The following DAB1 variants were observed in gnomAD, a reference collection of about 807,000 sequenced individuals.
The protein encoded by DAB1 is disabled homolog 1.
Under a neutral mutation model 64.6 loss-of-function variants are expected in DAB1, and 15 were observed. The ratio of observed to expected loss-of-function variants is 0.23; its 90% CI spans 0.16 to 0.36. The LOEUF (loss-of-function observed/expected upper bound fraction) is 0.36. Among genes scored for constraint, DAB1 ranks in the 10% least tolerant of loss-of-function variants. The pLI is 1.00. For synonymous variants in DAB1, 235 were observed against 251.9 expected (o/e 0.93, Z 0.64); for missense variants, 596 against 706.7 (o/e 0.84, Z 1.78).
intron 2 of DAB1, among the ~76,000 whole-genome samples, chr1:57,226,973 T>C (rs990685671): frequency 6.7e-6 from 1 of 148,890 alleles, no homozygotes; most frequent in African/African-American, 2.5e-5. Flanking sequence ...AGCCCAGGAG[T>C]TCAAGACTAG....
At chr1:57,406,377 C>T (rs545632538) in intron 1 of DAB1, among the ~76,000 whole-genome samples, 3 of 152,322 alleles carry the variant, frequency 2.0e-5, no homozygotes, top group South Asian at 2.1e-4. Flanking sequence ...TACTTAGCCA[C>T]CACATTATTA....
chr1:57,485,469 G>C (rs1036803618), intron 7 of DAB1, among the ~76,000 whole-genome samples: 8 of 152,134 alleles, frequency 5.3e-5, no homozygotes, highest in African/African-American at 1.9e-4. Context: ...ATAGTGCTTG[G>C]CATCAGGGAA....
intron 5 of DAB1, among the ~76,000 whole-genome samples, chr1:57,973,305 G>C (rs2764692): frequency 0.87 from 132,434 of 152,122 alleles, 58,055 homozygotes; most frequent in South Asian, 0.94. Context: ...CCCCTAGAGC[G>C]TTCAGAGGCA....
chr1:58,021,422 T>C (rs770889806), intron 5 of DAB1, among the ~76,000 whole-genome samples: 1 of 152,222 alleles, frequency 6.6e-6, no homozygotes, highest in Non-Finnish European at 1.5e-5. Context: ...GATTAAAGAT[T>C]AAATAATTTG....
At chr1:57,157,720 T>C (rs547559943) in intron 2 of DAB1, among the ~76,000 whole-genome samples, 4 of 152,292 alleles carry the variant, frequency 2.6e-5, no homozygotes, top group Admixed American at 2.0e-4. Flanking sequence ...TATTATTACA[T>C]TGGGAGTTAG....
chr1:58,277,902 T>C (rs1661489041), intron 4 of DAB1, among the ~76,000 whole-genome samples: 1 of 152,202 alleles, frequency 6.6e-6, no homozygotes, highest in South Asian at 2.1e-4. Flanking sequence ...TGCTGGAGAA[T>C]ATTCTTCCAT....
intron 2 of DAB1, among the ~76,000 whole-genome samples, chr1:57,228,845 G>A (rs1436627766): frequency 6.6e-6 from 1 of 152,022 alleles, no homozygotes; most frequent in Non-Finnish European, 1.5e-5. Flanking sequence ...AGAAGACTCG[G>A]TAGATAAAAT....
chr1:58,241,621 T>C (rs112925651), intron 4 of DAB1, among the ~76,000 whole-genome samples: 9 of 152,088 alleles, frequency 5.9e-5, no homozygotes, highest in African/African-American at 1.7e-4. Context: ...CTGAACAAAA[T>C]GATAAGAAAA....
intron 4 of DAB1, among the ~76,000 whole-genome samples, chr1:58,329,590 C>T (rs901140778): frequency 3.9e-5 from 6 of 152,236 alleles, no homozygotes; most frequent in African/African-American, 1.4e-4. Context: ...GTATTTTTTA[C>T]AAATTGAAAG....
chr1:57,893,005 GTTT>G (rs1457393295), intron 5 of DAB1, among the ~76,000 whole-genome samples: 1 of 117,826 alleles, frequency 8.5e-6, no homozygotes, highest in Non-Finnish European at 1.6e-5. Context: ...CACCCCTAGA[GTTT>G]TTGCTTCAGT....
At chr1:57,213,886 A>T (rs544218912) in intron 2 of DAB1, among the ~76,000 whole-genome samples, 1 of 152,090 alleles carries the variant, frequency 6.6e-6, no homozygotes, top group South Asian at 2.1e-4. Context: ...TCCATGATTC[A>T]TTAAGCATGT....
intron 6 of DAB1, among the ~76,000 whole-genome samples, chr1:57,741,128 G>C (rs1401058954): frequency 6.6e-6 from 1 of 152,150 alleles, no homozygotes; most frequent in African/African-American, 2.4e-5. Flanking sequence ...TTTAAGTGCT[G>C]AGGGACTAGG....
intron 4 of DAB1, among the ~76,000 whole-genome samples, chr1:58,275,058 G>T (rs537979562): frequency 6.6e-6 from 1 of 152,276 alleles, no homozygotes; most frequent in East Asian, 1.9e-4. Context: ...TTTAACAAAG[G>T]TGCCAAGAAC....
intron 1 of DAB1, among the ~76,000 whole-genome samples, chr1:57,854,416 A>G (rs1653665989): frequency 6.6e-6 from 1 of 152,216 alleles, no homozygotes; most frequent in Non-Finnish European, 1.5e-5. Flanking sequence ...AGAGCCCAAC[A>G]TGGGAAGGGG....
At chr1:58,373,749 G>C (rs563046865) in intron 3 of DAB1, among the ~76,000 whole-genome samples, 1 of 151,662 alleles carries the variant, frequency 6.6e-6, no homozygotes. Flanking sequence ...CTAAGGAATT[G>C]CCACACTGAC....
intron 4 of DAB1, among the ~76,000 whole-genome samples, chr1:57,127,132 C>G (rs1053593984): frequency 1.3e-5 from 2 of 152,076 alleles, no homozygotes; most frequent in Admixed American, 6.5e-5. Flanking sequence ...TAAATAACCA[C>G]GGCACAGTCA....
chr1:58,067,892 CAAAT>C (rs1433442812), intron 5 of DAB1, among the ~76,000 whole-genome samples: 2 of 152,184 alleles, frequency 1.3e-5, no homozygotes, highest in East Asian at 1.9e-4. Flanking sequence ...TTAAAACAAA[CAAAT>C]AAAGCATTTA....
At chr1:57,974,588 C>T (rs1382941565) in intron 5 of DAB1, among the ~76,000 whole-genome samples, 2 of 152,024 alleles carry the variant, frequency 1.3e-5, no homozygotes, top group African/African-American at 4.8e-5. Flanking sequence ...CAAGACTCCA[C>T]AATTTATATA....
At chr1:58,198,273 T>G (rs1444893844) in intron 4 of DAB1, among the ~76,000 whole-genome samples, 1 of 152,240 alleles carries the variant, frequency 6.6e-6, no homozygotes, top group Non-Finnish European at 1.5e-5. Context: ...AGCGGTATTG[T>G]GCAGCCCTGG....
Sources: allele counts gnomAD v4.1 joint callset (sites outside exome capture counted in the v4.1 genomes callset), GRCh38; gene constraint gnomAD v4.1.1; transcripts MANE v1.5; gene names NCBI Gene and HGNC (gene_info 2026-07-23, HGNC 2026-07-21).